Variants in TENM4 observed in about 807,000 individuals in gnomAD.
TENM4 encodes the protein teneurin-4.
A neutral mutation model predicts 243.3 loss-of-function variants in TENM4; 82 were observed. That is an observed-to-expected ratio of 0.34 (90% CI 0.28 to 0.40). The LOEUF (loss-of-function observed/expected upper bound fraction) is 0.40, where lower values mean the gene tolerates loss of function less well. TENM4 is among the 10% of genes least tolerant of loss of function. The pLI is 1.00. For missense variants in TENM4, 3,138 were observed against 3,673.3 expected (o/e 0.85, Z 3.77); for synonymous variants, 1,412 against 1,456.3 (o/e 0.97, Z 0.69).
At chr11:79,151,405 G>A (rs1862509581) in intron 3 of TENM4, among the ~76,000 whole-genome samples, 1 of 152,108 alleles carries the variant, frequency 6.6e-6, no homozygotes, top group African/African-American at 2.4e-5. Flanking sequence ...AACACAAGAA[G>A]CATCCAGACA....
intron 6 of TENM4, among the ~76,000 whole-genome samples, chr11:78,977,761 G>A (rs548144582): frequency 2.4e-4 from 37 of 152,314 alleles, no homozygotes; most frequent in African/African-American, 8.4e-4. Flanking sequence ...TGGTGGAAGC[G>A]TAAATTAGTT....
chr11:78,991,602 G>C (rs1002697174), intron 6 of TENM4, among the ~76,000 whole-genome samples: 1 of 152,196 alleles, frequency 6.6e-6, no homozygotes, highest in Non-Finnish European at 1.5e-5. Flanking sequence ...TGGCTAGTAA[G>C]TGGCTCAGCT....
chr11:78,951,941 G>A (rs2136494557), intron 6 of TENM4, among the ~76,000 whole-genome samples: 1 of 152,254 alleles, frequency 6.6e-6, no homozygotes, highest in East Asian at 1.9e-4. Context: ...TCAGTAGTTA[G>A]CACCTTTCTC....
At chr11:78,695,941 G>C (rs1858949693) in intron 28 of TENM4, among the ~76,000 whole-genome samples, 1 of 151,486 alleles carries the variant, frequency 6.6e-6, no homozygotes, top group Admixed American at 6.6e-5. Context: ...TTAATTATGG[G>C]TAATTCTCTG....
At chr11:79,387,770 C>T (rs486962) in intron 1 of TENM4, among the ~76,000 whole-genome samples, 48,088 of 152,096 alleles carry the variant, frequency 0.32, 7,551 homozygotes, top group East Asian at 0.37. Flanking sequence ...TTTGGGAGGC[C>T]AAGGCAGGTG....
chr11:79,332,597 T>C lies in TENM4; in HGVS notation c.-320-35054A>G, dbSNP rs570712964. Among the ~76,000 whole-genome samples the C allele has an allele frequency of 9.8e-5, 15 of 152,298 alleles. No homozygotes were observed. In the South Asian group the frequency reaches 3.1e-3, roughly 32 times the overall value. On this transcript the variant is annotated intron_variant, in intron 1 of 33. Coordinates refer to ENST00000278550, the MANE Select transcript of TENM4 (RefSeq NM_001098816.3). ...CTCTGCTCTTTGCAACCTCACAGTT[T>C]ATAAGCACTCTTCCCATCTCACCCA...
intron 4 of TENM4, among the ~76,000 whole-genome samples, chr11:79,114,684 C>T (rs955477000): frequency 6.6e-6 from 1 of 152,174 alleles, no homozygotes; most frequent in Non-Finnish European, 1.5e-5. Context: ...GAACAAGGGG[C>T]TCCACATTTT....
intron 6 of TENM4, among the ~76,000 whole-genome samples, chr11:78,971,559 C>T (rs1857547927): frequency 6.6e-6 from 1 of 152,124 alleles, no homozygotes; most frequent in African/African-American, 2.4e-5. Context: ...CCTCGGCCTC[C>T]CAAAGTGCTG....
chr11:79,426,938 A>G (rs1400957554), intron 1 of TENM4, among the ~76,000 whole-genome samples: 1 of 152,188 alleles, frequency 6.6e-6, no homozygotes, highest in African/African-American at 2.4e-5. Context: ...ACCTTCACAG[A>G]TCCAGGAAGC....
chr11:79,181,065 A>G (rs1256568982), intron 3 of TENM4, among the ~76,000 whole-genome samples: 1 of 152,310 alleles, frequency 6.6e-6, no homozygotes, highest in Admixed American at 6.5e-5. Context: ...AGACAGAAGC[A>G]GAGTCAGTTC....
At chr11:78,975,632 A>ATG (rs1565151152) in intron 6 of TENM4, among the ~76,000 whole-genome samples, 2 of 150,282 alleles carry the variant, frequency 1.3e-5, no homozygotes, top group Non-Finnish European at 3.0e-5. Flanking sequence ...ATATATATAT[A>ATG]TGTTTTCCTC....
intron 2 of TENM4, among the ~76,000 whole-genome samples, chr11:79,283,869 C>G (rs1456284493): frequency 6.6e-6 from 1 of 152,022 alleles, no homozygotes. Flanking sequence ...TTGAAGGATA[C>G]CAGATCAATG....
At chr11:79,292,506 T>A (rs1183909568) in intron 2 of TENM4, among the ~76,000 whole-genome samples, 1 of 152,222 alleles carries the variant, frequency 6.6e-6, no homozygotes, top group Non-Finnish European at 1.5e-5. Context: ...TAACTACAGC[T>A]TCCTAGCCTT....
intron 1 of TENM4, among the ~76,000 whole-genome samples, chr11:79,377,488 T>G (rs934491232): frequency 6.6e-6 from 1 of 152,122 alleles, no homozygotes; most frequent in Non-Finnish European, 1.5e-5. Flanking sequence ...CTCTCTGGCC[T>G]TTTTTTCCCT....
chr11:79,125,491 G>A lies in TENM4; in HGVS notation c.-66+23219C>T, dbSNP rs148969200. Reference sequence around the variant, plus strand: ...ACCTGCAACAAAAGATGCATGCACAGCCTCACCAGGTGTCTACGGTTAAAG... The same window carrying A: ...ACCTGCAACAAAAGATGCATGCACAACCTCACCAGGTGTCTACGGTTAAAG... On this transcript the variant is annotated intron_variant, in intron 4 of 33. Transcript: ENST00000278550. Among the ~76,000 whole-genome samples, 828 of 152,266 alleles carry A rather than the reference G, an allele frequency of 5.4e-3. 12 individuals carry two copies. Among genetic ancestry groups the A allele is most frequent in the African/African-American group, 0.019 (780 of 41,558 alleles).
At chr11:78,916,902 G>C (rs1466395735) in intron 6 of TENM4, among the ~76,000 whole-genome samples, 1 of 152,128 alleles carries the variant, frequency 6.6e-6, no homozygotes, top group African/African-American at 2.4e-5. Flanking sequence ...AATGATAAAA[G>C]CTAAGATCCC....
chr11:79,247,699 G>A (rs1158143389), intron 2 of TENM4, among the ~76,000 whole-genome samples: 1 of 152,206 alleles, frequency 6.6e-6, no homozygotes, highest in Non-Finnish European at 1.5e-5. Context: ...TGATGGAACT[G>A]GCATTTTACC....
intron 18 of TENM4, among the ~76,000 whole-genome samples, chr11:78,769,372 C>T (rs147062147): frequency 7.9e-5 from 12 of 152,232 alleles, no homozygotes; most frequent in South Asian, 6.2e-4. Context: ...TCCGGGAAAC[C>T]GCTACCCATC....
intron 5 of TENM4, among the ~76,000 whole-genome samples, chr11:79,066,741 T>C (rs12278720): frequency 0.029 from 1,862 of 64,310 alleles, 39 homozygotes; most frequent in African/African-American, 0.1. Flanking sequence ...CGCACGCACA[T>C]GCACACACGC....
Sources: allele counts gnomAD v4.1 joint callset (sites outside exome capture counted in the v4.1 genomes callset), GRCh38; gene constraint gnomAD v4.1.1; transcripts MANE v1.5; gene names NCBI Gene and HGNC (gene_info 2026-07-23, HGNC 2026-07-21).